Variants in NSMCE1 observed in about 807,000 individuals in gnomAD.
NSMCE1 encodes non-structural maintenance of chromosomes element 1 homolog.
In NSMCE1, 18 loss-of-function variants were observed where a neutral mutation model predicts 29.6. The observed-to-expected ratio is 0.61, with a 90% CI of 0.42 to 0.90. The LOEUF (loss-of-function observed/expected upper bound fraction) is 0.90. Ranked by LOEUF, NSMCE1 falls within the 40% of genes least tolerant of loss-of-function variation. The pLI is 0.00. For synonymous variants in NSMCE1, 124 were observed against 133.4 expected, an observed-to-expected ratio of 0.93 and a Z score of 0.49; for missense variants, 314 against 343.6, an observed-to-expected ratio of 0.91 and a Z score of 0.68.
At chr16:27,237,462 G>A (rs2140993869) in intron 2 of NSMCE1, among the ~76,000 whole-genome samples, 1 of 152,344 alleles carries the variant, frequency 6.6e-6, no homozygotes, top group Admixed American at 6.5e-5. Flanking sequence ...GAGCCGAGCT[G>A]TTCCGTACCT....
chr16:27,265,161 CTTTTTTTTT>C (rs5816427), intron 1 of NSMCE1, among the ~76,000 whole-genome samples: 9 of 82,692 alleles, frequency 1.1e-4, no homozygotes, highest in African/African-American at 1.4e-4. Flanking sequence ...AATTCTTTTC[CTTTTTTTTT>C]TTTTTTTTTT....
chr16:27,245,627 CT>C (rs1344031768), intron 2 of NSMCE1, among the ~76,000 whole-genome samples: 6 of 152,204 alleles, frequency 3.9e-5, no homozygotes, highest in African/African-American at 1.4e-4. Flanking sequence ...GGTTACAGAG[CT>C]TCTTGAACCC....
At chr16:27,236,009 G>A (rs1363988015) in intron 2 of NSMCE1, among the ~76,000 whole-genome samples, 1 of 152,228 alleles carries the variant, frequency 6.6e-6, no homozygotes, top group Non-Finnish European at 1.5e-5. Context: ...GCCCAGAGTT[G>A]CACCACAAGG....
chr16:27,230,952 GCAGA>G (rs928063467), intron 5 of NSMCE1: 1 of 152,532 alleles, frequency 6.6e-6, no homozygotes, highest in African/African-American at 2.4e-5. Context: ...GACACCAAGG[GCAGA>G]CAAAGGGCAA....
rs777324684 is a variant in NSMCE1 at position 27,261,672 on chromosome 16, G to A, written c.-11-4091C>T. On this transcript the variant is annotated intron_variant, in intron 1 of 7. Coordinates refer to ENST00000361439, the MANE Select transcript of NSMCE1 (RefSeq NM_145080.4). ...AAATAATTTCAAATGTTACACAATC[G>A]CAGCGCCAGAAAAAAAGCAAACCCT... Among the ~76,000 whole-genome samples, 289 of 152,148 alleles carry A rather than the reference G, an allele frequency of 1.9e-3. 1 individual carries two copies. The highest frequency in any genetic ancestry group is 2.7e-3 in the Non-Finnish European group (187 of 68,004).
intron 6 of NSMCE1, 106 bp downstream of exon 6, chr16:27,226,614 A>G: frequency 1.4e-6 from 1 of 701,040 alleles, no homozygotes. Flanking sequence ...ATGCGCCAGC[A>G]GTGCAGGAGG....
At chr16:27,247,471 T>A (rs1475576045) in intron 2 of NSMCE1, among the ~76,000 whole-genome samples, 1 of 152,176 alleles carries the variant, frequency 6.6e-6, no homozygotes, top group Non-Finnish European at 1.5e-5. Context: ...TATGTCTTTA[T>A]TAGCAGCGCG....
chr16:27,267,071 A>G (rs985338208), intron 1 of NSMCE1, among the ~76,000 whole-genome samples: 4 of 152,174 alleles, frequency 2.6e-5, no homozygotes, highest in South Asian at 2.1e-4. Flanking sequence ...TGTTTTAGCC[A>G]TAAGTTTCAA....
rs116944457 is a variant in NSMCE1, at chr16:27,258,696, G to A, written c.-11-1115C>T. ...GTCACAACTACCAAAGGCTTGCCAA[G>A]CACCTGGCACATAAGAGATCCACAA... On this transcript the variant is annotated intron_variant, in intron 1 of 7. Coordinates refer to ENST00000361439, the MANE Select transcript of NSMCE1 (RefSeq NM_145080.4). 3.5e-3 allele frequency among the ~76,000 whole-genome samples: 535 copies of A among 152,116 alleles called. 22 individuals carry two copies. In the East Asian group the frequency reaches 0.09, roughly 25 times the overall value.
intron 2 of NSMCE1, among the ~76,000 whole-genome samples, chr16:27,256,924 C>T (rs1285790372): frequency 1.3e-5 from 2 of 152,030 alleles, no homozygotes; most frequent in African/African-American, 4.8e-5. Context: ...GCTACATTGC[C>T]CAGGCTGGTC....
At chr16:27,242,242 G>C (rs2083903648) in intron 2 of NSMCE1, among the ~76,000 whole-genome samples, 3 of 152,166 alleles carry the variant, frequency 2.0e-5, no homozygotes, top group Admixed American at 6.5e-5. Context: ...AATCTAAAGA[G>C]AAAAATGAGT....
chr16:27,265,735 G>A (rs7195219), intron 1 of NSMCE1, among the ~76,000 whole-genome samples: 45,602 of 151,986 alleles, frequency 0.3, 7,022 homozygotes, highest in East Asian at 0.42. Context: ...ACATCAACAC[G>A]CATACTTCTC....
rs2083796487 is a variant in NSMCE1 at position 27,234,369 on chromosome 16, G to C, written c.259-104C>G. 6 of 795,404 alleles carry C rather than the reference G, an allele frequency of 7.5e-6. No individual in the cohort carries two copies. The East Asian group carries it at 1.5e-4, about 20-fold the overall frequency. 49.3% of individuals were successfully genotyped at this position (795,404 alleles called of 1,614,324 possible). A position where few individuals can be genotyped will look rare whatever the true frequency, so the allele number is the denominator to read the frequency against. ...CCTCCTCCATCTCTGGCCAGTCACT[G>C]AGCTCCTGTATCCAGGCACTGCGGG... On this transcript the variant is annotated intron_variant, in intron 3 of 7. Transcript: ENST00000361439.
intron 2 of NSMCE1, among the ~76,000 whole-genome samples, chr16:27,251,199 T>TATAAAA (rs2084030860): frequency 1.3e-5 from 1 of 75,208 alleles, no homozygotes; most frequent in African/African-American, 7.0e-5. Flanking sequence ...TAAATATATA[T>TATAAAA]ATATATATAA....
chr16:27,225,959 G>A (rs1178956086), intron 6 of NSMCE1, 113 bp from the exon 7 acceptor site: 3 of 1,260,818 alleles, frequency 2.4e-6, no homozygotes, highest in Non-Finnish European at 2.2e-6. Context: ...TTATCTTCTG[G>A]GCCCCAGATT....
chr16:27,253,042 G>A (rs1186845831), intron 2 of NSMCE1, among the ~76,000 whole-genome samples: 1 of 152,208 alleles, frequency 6.6e-6, no homozygotes, highest in Non-Finnish European at 1.5e-5. Context: ...GAAACTCCAT[G>A]CCACCCCCAC....
chr16:27,262,624 T>C (rs539935109), intron 1 of NSMCE1, among the ~76,000 whole-genome samples: 2 of 152,266 alleles, frequency 1.3e-5, no homozygotes, highest in Admixed American at 6.5e-5. Context: ...ATGTAAGACC[T>C]AAAACTATAA....
chr16:27,239,374 T>C (rs1480514604), intron 2 of NSMCE1, among the ~76,000 whole-genome samples: 1 of 152,170 alleles, frequency 6.6e-6, no homozygotes. Flanking sequence ...TGCCAATCTG[T>C]AGGGATACAC....
chr16:27,246,105 G>T (rs940636044), intron 2 of NSMCE1, among the ~76,000 whole-genome samples: 43 of 152,016 alleles, frequency 2.8e-4, no homozygotes, highest in African/African-American at 9.4e-4. Context: ...CGGGATGAAG[G>T]CAGATAAGAG....
Sources: gnomAD v4.1 joint callset for allele counts (sites outside exome capture counted in the v4.1 genomes callset) on GRCh38, gnomAD v4.1.1 for gene constraint, MANE v1.5 for transcripts, NCBI Gene and HGNC (gene_info 2026-07-23, HGNC 2026-07-21) for gene names.